Variants in ZMYND11 observed in about 807,000 individuals in gnomAD.
ZMYND11 encodes zinc finger MYND domain-containing protein 11.
In ZMYND11, 9 loss-of-function variants were observed where a neutral mutation model predicts 84.9. That is an observed-to-expected ratio of 0.11 (90% confidence interval 0.06 to 0.18). The LOEUF (loss-of-function observed/expected upper bound fraction) is 0.18. Ranked by LOEUF, ZMYND11 falls within the 10% of genes least tolerant of loss-of-function variation. The pLI, the probability that ZMYND11 is intolerant of heterozygous loss-of-function variation, is 1.00. For synonymous variants in ZMYND11, 250 were observed against 244.1 expected (o/e 1.02, Z -0.23); for missense variants, 409 against 761.0 (o/e 0.54, Z 5.44).
chr10:151,034 C>T (rs778867768), intron 1 of ZMYND11, among the ~76,000 whole-genome samples: 1 of 152,160 alleles, frequency 6.6e-6, no homozygotes, highest in Non-Finnish European at 1.5e-5. Context: ...AACTAACAAA[C>T]AGAAAGGACA....
chr10:161,889 T>C (rs7909551), intron 1 of ZMYND11, among the ~76,000 whole-genome samples: 17,101 of 152,246 alleles, frequency 0.11, 1,099 homozygotes, highest in African/African-American at 0.18. Flanking sequence ...TTTGCTTTCT[T>C]ATTCATGTGT....
chr10:135,323 CGCCCCTCGAGCCCGGA>C (rs1198868634), upstream of ZMYND11: 18 of 150,856 alleles, frequency 1.2e-4, no homozygotes, highest in Admixed American at 1.1e-3. The surrounding 1 kb of genome is among the most constrained non-coding windows in gnomAD (Gnocchi z 5.6). Context: ...ACAAACATGG[CGCCCCTCGAGCCCGGA>C]GCCCTTCGCG....
At chr10:209,743 TTCGTTCTTTA>T in intron 2 of ZMYND11, 136 bp from the exon 3 acceptor site, 2 of 630,080 alleles carry the variant, frequency 3.2e-6, no homozygotes, top group South Asian at 5.4e-5. Flanking sequence ...GTTTATCGTG[TTCGTTCTTTA>T]TCTTGTTCTT....
chr10:176,613 CTTT>C (rs1187236924), intron 1 of ZMYND11, among the ~76,000 whole-genome samples: 1 of 152,006 alleles, frequency 6.6e-6, no homozygotes. Flanking sequence ...TAAAACAATT[CTTT>C]TGAGGAATTT....
chr10:140,714 G>A (rs1554753775), intron 1 of ZMYND11, among the ~76,000 whole-genome samples: 1 of 152,138 alleles, frequency 6.6e-6, no homozygotes, highest in African/African-American at 2.4e-5. Context: ...TTAAAGTGCT[G>A]GGTAAATTCT....
chr10:249,259 C>T (rs1004686884), intron 14 of ZMYND11, 171 bp downstream of exon 14: 12 of 1,446,878 alleles, frequency 8.3e-6, no homozygotes, highest in African/African-American at 1.4e-5. Flanking sequence ...TATGATCTCT[C>T]AACCCCAGAT....
At chr10:169,160 A>G (rs1406131226) in intron 1 of ZMYND11, among the ~76,000 whole-genome samples, 4 of 152,086 alleles carry the variant, frequency 2.6e-5, no homozygotes, top group African/African-American at 9.7e-5. Flanking sequence ...GTAGCTTTCT[A>G]CATGGGGAAA....
At chr10:194,391 A>G (rs1262355052) in intron 2 of ZMYND11, among the ~76,000 whole-genome samples, 1 of 152,176 alleles carries the variant, frequency 6.6e-6, no homozygotes, top group African/African-American at 2.4e-5. Context: ...TGGCAAAACT[A>G]CAATATCCTT....
At chr10:221,558 T>G (rs79067332) in intron 4 of ZMYND11, among the ~76,000 whole-genome samples, 483 of 152,290 alleles carry the variant, frequency 3.2e-3, no homozygotes, top group African/African-American at 0.011. Context: ...TTAGAAAGTT[T>G]TAATCACGTA....
chr10:144,610 TCA>T (rs1240591972), intron 1 of ZMYND11, among the ~76,000 whole-genome samples: 1 of 150,744 alleles, frequency 6.6e-6, no homozygotes, highest in African/African-American at 2.4e-5. Flanking sequence ...ATAGTGGTTC[TCA>T]GTTATGGCTG....
At chr10:203,042 GCAT>G (rs1287878615) in intron 2 of ZMYND11, among the ~76,000 whole-genome samples, 1 of 151,740 alleles carries the variant, frequency 6.6e-6, no homozygotes, top group African/African-American at 2.4e-5. Context: ...CCTATAGCAA[GCAT>G]CATATTTGCA....
chr10:206,091 G>A (rs187493060), intron 2 of ZMYND11, among the ~76,000 whole-genome samples: 55 of 151,880 alleles, frequency 3.6e-4, no homozygotes, highest in African/African-American at 1.3e-3. Context: ...CGGGCGCGGT[G>A]GCTCACGCCT....
intron 10 of ZMYND11, among the ~76,000 whole-genome samples, chr10:245,680 C>T (rs1413829826): frequency 1.3e-5 from 2 of 152,198 alleles, no homozygotes; most frequent in Non-Finnish European, 2.9e-5. Context: ...TCTTATCTTC[C>T]AAGACCAAGG....
At chr10:198,113 G>C (rs1466951503) in intron 2 of ZMYND11, 1 of 386,426 alleles carries the variant, frequency 2.6e-6, no homozygotes, top group African/African-American at 2.1e-5. Flanking sequence ...GGCCAAAATT[G>C]AGATTTTAAA....
chr10:177,472 G>C (rs905134555), intron 1 of ZMYND11, among the ~76,000 whole-genome samples: 7 of 152,118 alleles, frequency 4.6e-5, no homozygotes, highest in African/African-American at 1.7e-4. Context: ...GTTTTTCTGA[G>C]ATGTAGCATT....
At position 240,073 on chromosome 10, in the gene ZMYND11, G is replaced by A; in HGVS notation, c.715G>A (p.Asp239Asn). The stretch of plus-strand genomic sequence containing the variant: ...AATTACAGCAGACAGTGAGCAAGCT[G>A]ACATTGCGAGGATGCTATATAAAGA... Reference protein sequence around the residue: ...IFYGADSEQADIARMLYKDTC... With the variant: ...IFYGADSEQANIARMLYKDTC... The change falls in exon 8 of 15, where the codon GAC (aspartate) becomes AAC (asparagine). Residue 239 changes from aspartate (D) to asparagine (N), a missense_variant. By Grantham distance (23) the Asp-to-Asn change is conservative. This residue lies in a region of ZMYND11 where 59 missense variants were observed against 151.0 expected (regional missense o/e 0.39). Coordinates refer to ENST00000381604, the MANE Select transcript of ZMYND11 (RefSeq NM_001370100.5). The A allele has an allele frequency of 6.2e-7, 1 of 1,611,970 alleles. No homozygotes were observed.
chr10:207,467 T>C (rs1480281018), intron 2 of ZMYND11, among the ~76,000 whole-genome samples: 1 of 152,172 alleles, frequency 6.6e-6, no homozygotes, highest in Non-Finnish European at 1.5e-5. Context: ...AGTGTAAAAG[T>C]GTTCCTGTTT....
At chr10:144,139 T>G (rs1588405180) in intron 1 of ZMYND11, among the ~76,000 whole-genome samples, 1 of 152,330 alleles carries the variant, frequency 6.6e-6, no homozygotes, top group Non-Finnish European at 1.5e-5. Context: ...AGCAGTACAA[T>G]TTAAAGTTAG....
At chr10:233,286 C>T (rs1041567149) in intron 4 of ZMYND11, among the ~76,000 whole-genome samples, 2 of 152,150 alleles carry the variant, frequency 1.3e-5, no homozygotes, top group Admixed American at 6.5e-5. Flanking sequence ...CAGACAAGGG[C>T]GTGCACTGGT....
Sources: allele counts gnomAD v4.1 joint callset (sites outside exome capture counted in the v4.1 genomes callset), GRCh38; gene constraint gnomAD v4.1.1; regional missense constraint gnomAD v4.1.1; non-coding constraint Gnocchi (gnomAD v3.1); transcripts MANE v1.5; gene names NCBI Gene and HGNC (gene_info 2026-07-23, HGNC 2026-07-21).